The following PAX6 variants were observed in gnomAD, a reference collection of about 807,000 sequenced individuals.
PAX6 encodes the protein paired box protein Pax-6.
Under a neutral mutation model 60.7 loss-of-function variants are expected in PAX6, and 7 were observed. The ratio of observed to expected loss-of-function variants is 0.12; its 90% CI spans 0.07 to 0.22. The LOEUF is 0.22. Among genes scored for constraint, PAX6 ranks in the 10% least tolerant of loss-of-function variants. PAX6 has a pLI of 1.00. For synonymous variants in PAX6, 208 were observed against 201.2 expected (o/e 1.03, Z -0.29); for missense variants, 355 against 555.2 (o/e 0.64, Z 3.62).
At chr11:31,794,163 A>G (rs1950736892) in intron 9 of PAX6, 49 bp from the exon 10 acceptor site, 2 of 1,240,590 alleles carry the variant, frequency 1.6e-6, no homozygotes, top group African/African-American at 1.5e-5. Context: ...TACACAAAAT[A>G]TGTTGACCAA....
At chr11:31,790,356 G>C (rs758392610) in intron 13 of PAX6, 29 of 909,676 alleles carry the variant, frequency 3.2e-5, no homozygotes, top group Non-Finnish European at 4.3e-5. Context: ...CCAGCAAAAG[G>C]TCTAGAGGAG....
rs1361659182 is a variant in PAX6 at position 31,790,814 on chromosome 11, G to A, written c.1121C>T (p.Thr374Ile). ...ACTCCGCCCATTCACCGAAGGGCTG[G>A]TGGGCAGCATGCAGGAGTATGAGGA... ...QTSSYSCMLP[T>I]SPSVNGRSYD... Residue 374 changes from threonine to isoleucine, a missense_variant, in exon 13 of 14, where the codon ACC becomes ATC. Transcript: ENST00000640368. 8 of 1,614,028 alleles carry A rather than the reference G, an allele frequency of 5.0e-6. No individual in the cohort carries two copies. The highest frequency in any genetic ancestry group is 2.7e-5 in the African/African-American group (2 of 74,912).
chr11:31,811,549 A>T (rs1957021038), upstream of PAX6: 2 of 240,688 alleles, frequency 8.3e-6, no homozygotes, highest in Non-Finnish European at 1.6e-5. Flanking sequence ...CGCTCCGCGC[A>T]CGCCGAGATT....
intron 4 of PAX6, chr11:31,805,804 A>C (rs1021524272): frequency 6.5e-6 from 1 of 153,002 alleles, no homozygotes; most frequent in Non-Finnish European, 1.5e-5. Flanking sequence ...CCTCCTTACC[A>C]GACCCAGTAA....
intron 12 of PAX6, 157 bp downstream of exon 12, chr11:31,793,281 A>G: frequency 1.4e-6 from 1 of 721,840 alleles, no homozygotes; most frequent in East Asian, 2.6e-5. Context: ...CTTAAAAGTG[A>G]TGGGATTGAC....
At chr11:31,812,658 C>T (rs1957166010), upstream of PAX6, 1 of 152,912 alleles carries the variant, frequency 6.5e-6, no homozygotes, top group Non-Finnish European at 1.5e-5. Flanking sequence ...CTGTCCCGAG[C>T]TCTCTCGGCG....
rs765249199 is a variant in PAX6, at chr11:31,801,783, A to AT, written c.184-8_184-7insA. The AT allele has an allele frequency of 2.5e-6, 4 of 1,614,212 alleles. No homozygotes were observed. In the South Asian group the frequency reaches 4.4e-5, roughly 18 times the overall value. On this transcript the variant is annotated splice_region_variant and splice_polypyrimidine_tract_variant and intron_variant, in intron 6 of 13. Coordinates refer to ENST00000640368, the MANE Select transcript of PAX6 (RefSeq NM_001368894.2). ...TCACACATCCGTTGGACACCTGCAT[A>AT]GGGGAAGTGGACAGAAAACCACATT...
chr11:31,799,944 C>T (rs1300355851), intron 8 of PAX6, among the ~76,000 whole-genome samples: 2 of 148,672 alleles, frequency 1.3e-5, no homozygotes, highest in African/African-American at 4.9e-5. Context: ...ACTGACCCTC[C>T]CCTCCGCCCC....
At chr11:31,796,969 G>A (rs771827579) in intron 8 of PAX6, among the ~76,000 whole-genome samples, 14 of 152,108 alleles carry the variant, frequency 9.2e-5, no homozygotes, top group Non-Finnish European at 1.8e-4. Context: ...AAGTTTCCGG[G>A]GACTTTTCAA....
At chr11:31,817,644 C>A (rs139644031) in intron 1 of PAX6, among the ~76,000 whole-genome samples, 1 of 152,254 alleles carries the variant, frequency 6.6e-6, no homozygotes, top group African/African-American at 2.4e-5. Context: ...CCCTTCCTAT[C>A]CCTCCCTCAG....
At chr11:31,800,964 G>T in intron 7 of PAX6, 108 bp from the exon 8 acceptor site, 2 of 1,168,400 alleles carry the variant, frequency 1.7e-6, no homozygotes, top group Non-Finnish European at 2.5e-6. Context: ...CCGTTAAAAA[G>T]CTCCCAGCCA....
rs571361886 is a variant in PAX6, at chr11:31,809,430, GAAGA to G, written c.-129+1394_-129+1397del. The G allele has an allele frequency of 4.6e-5, 7 of 152,278 alleles. No homozygotes were observed. The East Asian group carries it at 1.2e-3, about 25-fold the overall frequency. 9.4% of individuals were successfully genotyped at this position (152,278 alleles called of 1,614,324 possible). On this transcript the variant is annotated intron_variant, in intron 2 of 13. Coordinates refer to ENST00000640368, the MANE Select transcript of PAX6 (RefSeq NM_001368894.2). ...GGGAGAGTATAAGAAAAATAAAAAG[GAAGA>G]AAGAAAGAAACCACGTTCACTTTGT...
At chr11:31,790,285 G>C in intron 13 of PAX6, 1 of 564,078 alleles carries the variant, frequency 1.8e-6, no homozygotes, top group Admixed American at 3.9e-5. Context: ...CTGTTTGTTT[G>C]CATGTTTGGA....
intron 2 of PAX6, 115 bp downstream of exon 2, chr11:31,810,713 G>A (rs1956892726): frequency 5.0e-6 from 2 of 397,668 alleles, no homozygotes; most frequent in Middle Eastern, 6.2e-4. Context: ...CAACTCTCCC[G>A]GCGTAGCAGT....
At chr11:31,802,060 T>TAA in intron 5 of PAX6, 148 bp from the exon 6 acceptor site, 6 of 654,824 alleles carry the variant, frequency 9.2e-6, no homozygotes, top group East Asian at 6.1e-5. Flanking sequence ...AAGCTTTTTT[T>TAA]AAAAAAAAAA....
chr11:31,794,198 C>A, intron 9 of PAX6, 84 bp from the exon 10 acceptor site: 1 of 879,286 alleles, frequency 1.1e-6, no homozygotes, highest in South Asian at 1.3e-5. Flanking sequence ...TGGTTCCCAC[C>A]TCCCCACTCC....
upstream of PAX6, among the ~76,000 whole-genome samples, chr11:31,815,913 C>T (rs1286042518): frequency 6.6e-6 from 1 of 152,230 alleles, no homozygotes; most frequent in Non-Finnish European, 1.5e-5. Context: ...CTGACAGGAA[C>T]TGCGGGTTGG....
intron 12 of PAX6, chr11:31,793,153 G>T: frequency 1.6e-6 from 1 of 620,280 alleles, no homozygotes; most frequent in South Asian, 1.9e-5. Context: ...CCCAAAACAT[G>T]CCCCACCACC....
chr11:31,790,383 C>A, intron 13 of PAX6: 1 of 1,178,052 alleles, frequency 8.5e-7, no homozygotes, highest in South Asian at 1.7e-5. Flanking sequence ...GGGCAAGAAG[C>A]ATTTCAACAA....
Sources: gnomAD v4.1 joint callset for allele counts (sites outside exome capture counted in the v4.1 genomes callset) on GRCh38, gnomAD v4.1.1 for gene constraint, MANE v1.5 for transcripts, NCBI Gene and HGNC (gene_info 2026-07-23, HGNC 2026-07-21) for gene names.